Variants in DHRSX observed in about 807,000 individuals in gnomAD.
The protein encoded by DHRSX is dehydrogenase/reductase X-linked.
DHRSX carries 31 observed loss-of-function variants against 34.0 expected under a neutral mutation model. The observed-to-expected ratio is 0.91, with a 90% CI of 0.69 to 1.23. The LOEUF is 1.23. DHRSX is among the 50% of genes most tolerant of loss of function. DHRSX has a pLI of 0.00. For missense variants in DHRSX, 414 were observed against 428.1 expected, an observed-to-expected ratio of 0.97 and a Z score of 0.29; for synonymous variants, 201 against 183.8, an observed-to-expected ratio of 1.09 and a Z score of -0.76.
chrX:2,400,603 G>A (rs2043473814), intron 3 of DHRSX, among the ~76,000 whole-genome samples: 1 of 152,172 alleles, frequency 6.6e-6, no homozygotes, highest in South Asian at 2.1e-4. Context: ...AGATACCTGT[G>A]CACAGAATCC....
At chrX:2,301,163 C>A (rs2042004256) in intron 3 of DHRSX, among the ~76,000 whole-genome samples, 1 of 152,222 alleles carries the variant, frequency 6.6e-6, no homozygotes, top group Non-Finnish European at 1.5e-5. Flanking sequence ...CCTGTAATCC[C>A]AGGACTTTGG....
chrX:2,420,062 T>C (rs2043756468), intron 2 of DHRSX, among the ~76,000 whole-genome samples: 1 of 152,158 alleles, frequency 6.6e-6, no homozygotes, highest in South Asian at 2.1e-4. Context: ...GGGACATGGA[T>C]GAACTTGACA....
chrX:2,234,098 A>G (rs2015959369), intron 6 of DHRSX, among the ~76,000 whole-genome samples: 1 of 152,208 alleles, frequency 6.6e-6, no homozygotes, highest in Non-Finnish European at 1.5e-5. Context: ...CTGCTTTGCT[A>G]TCATGAGCCC....
chrX:2,397,614 A>G (rs1218331313), intron 3 of DHRSX, among the ~76,000 whole-genome samples: 1 of 144,906 alleles, frequency 6.9e-6, no homozygotes, highest in Admixed American at 7.1e-5. Flanking sequence ...GGGTAGAGAT[A>G]ACTCCCTCCA....
Position 2,500,934 on chromosome X carries a change from C to G in DHRSX, c.-9G>C, listed in dbSNP as rs2045413309. ...GCAGACAATGGCGACATGGCTGCCC[C>G]GGCCGCGCCGCCGCCGCTTCCGCGC... On this transcript the variant is annotated 5_prime_UTR_variant, in exon 1 of 7. Coordinates refer to ENST00000334651, the MANE Select transcript of DHRSX (RefSeq NM_145177.3). The G allele has an allele frequency of 2.8e-6, 3 of 1,057,946 alleles. No individual in the cohort carries two copies. The highest frequency in any genetic ancestry group is 8.7e-5 in the South Asian group (2 of 23,020). The allele number at this position is 1,057,946 out of a possible 1,614,324, so 65.5% of individuals were successfully genotyped here.
intron 3 of DHRSX, among the ~76,000 whole-genome samples, chrX:2,339,558 A>T (rs111830714): frequency 5.9e-5 from 9 of 151,870 alleles, no homozygotes; most frequent in African/African-American, 1.9e-4. Flanking sequence ...GCTCTCCCCA[A>T]GTCCCCAAAG....
chrX:2,304,051 GGA>G (rs2042059159), intron 3 of DHRSX, among the ~76,000 whole-genome samples: 1 of 127,516 alleles, frequency 7.8e-6, no homozygotes, highest in African/African-American at 2.7e-5. Context: ...ATGGATGGAT[GGA>G]TGGATGGATG....
intron 3 of DHRSX, among the ~76,000 whole-genome samples, chrX:2,363,945 C>T (rs763668551): frequency 1.3e-5 from 2 of 151,806 alleles, no homozygotes; most frequent in African/African-American, 4.8e-5. Flanking sequence ...ACACTCAACA[C>T]ACAGGGACTG....
intron 5 of DHRSX, among the ~76,000 whole-genome samples, chrX:2,250,774 G>C (rs776049205): frequency 6.6e-6 from 1 of 152,236 alleles, no homozygotes; most frequent in Admixed American, 6.5e-5. Context: ...AGAGAAGGCA[G>C]CCCAAGCAGG....
chrX:2,312,179 C>G, intron 3 of DHRSX, among the ~76,000 whole-genome samples: 1 of 152,064 alleles, frequency 6.6e-6, no homozygotes, highest in East Asian at 1.9e-4. Flanking sequence ...CACCCCCGAC[C>G]AAGCATGGAA....
At chrX:2,273,011 G>C (rs1440667054) in intron 4 of DHRSX, among the ~76,000 whole-genome samples, 1 of 152,084 alleles carries the variant, frequency 6.6e-6, no homozygotes, top group Non-Finnish European at 1.5e-5. Flanking sequence ...GGTGGCTCAC[G>C]CCTGTCATCC....
chrX:2,314,826 C>T (rs2042222952), intron 3 of DHRSX, among the ~76,000 whole-genome samples: 1 of 152,056 alleles, frequency 6.6e-6, no homozygotes, highest in South Asian at 2.1e-4. Flanking sequence ...CTGAAATTTA[C>T]CCGACTTGAA....
intron 1 of DHRSX, among the ~76,000 whole-genome samples, chrX:2,473,217 A>T (rs1382588301): frequency 6.6e-6 from 1 of 152,176 alleles, no homozygotes; most frequent in Non-Finnish European, 1.5e-5. Flanking sequence ...AACCAGAAAC[A>T]AGAGACAGGA....
intron 3 of DHRSX, among the ~76,000 whole-genome samples, chrX:2,357,733 G>A (rs2042874883): frequency 6.8e-6 from 1 of 146,962 alleles, no homozygotes; most frequent in Admixed American, 6.8e-5. Context: ...ATCATTGCTT[G>A]TTTCTCTAAA....
chrX:2,458,109 G>A (rs5982953), intron 1 of DHRSX, among the ~76,000 whole-genome samples: 1 of 151,628 alleles, frequency 6.6e-6, no homozygotes, highest in Non-Finnish European at 1.5e-5. Context: ...AAGACATTCG[G>A]GAAGAATGTG....
chrX:2,487,001 T>C (rs6567595), intron 1 of DHRSX: 116,797 of 152,060 alleles, frequency 0.77, 45,296 homozygotes, highest in East Asian at 0.91. Flanking sequence ...TAGACACCGT[T>C]CTCCCCAGCC....
chrX:2,285,403 T>C (rs1367946376), intron 4 of DHRSX, among the ~76,000 whole-genome samples: 3 of 152,142 alleles, frequency 2.0e-5, no homozygotes, highest in Admixed American at 6.5e-5. Flanking sequence ...TAGCTTTTCA[T>C]AAGGAGTGCA....
intron 3 of DHRSX, among the ~76,000 whole-genome samples, chrX:2,319,559 A>G (rs1258890113): frequency 2.6e-5 from 4 of 151,054 alleles, no homozygotes; most frequent in Admixed American, 1.3e-4. Flanking sequence ...AAAAAAAAAA[A>G]AGAGAACGAA....
intron 3 of DHRSX, among the ~76,000 whole-genome samples, chrX:2,352,970 G>C (rs1228089764): frequency 1.3e-5 from 2 of 152,182 alleles, no homozygotes; most frequent in Non-Finnish European, 2.9e-5. Flanking sequence ...GCTGGACGCA[G>C]TGGCTCCTGC....
Sources: gnomAD v4.1 joint callset for allele counts (sites outside exome capture counted in the v4.1 genomes callset) on GRCh38, gnomAD v4.1.1 for gene constraint, MANE v1.5 for transcripts, NCBI Gene and HGNC (gene_info 2026-07-23, HGNC 2026-07-21) for gene names.